FCRL2: variants seen among roughly 807,000 people sequenced by gnomAD.
The protein encoded by FCRL2 is Fc receptor like 2.
FCRL2 carries 48 observed loss-of-function variants against 59.8 expected under a neutral mutation model. The ratio of observed to expected loss-of-function variants is 0.80; its 90% CI spans 0.64 to 1.02. FCRL2 has a LOEUF of 1.02. Ranked by LOEUF, FCRL2 falls within the 50% of genes least tolerant of loss-of-function variation. The pLI is 0.00. For synonymous variants in FCRL2, 251 were observed against 229.5 expected, an observed-to-expected ratio of 1.09 and a Z score of -0.85; for missense variants, 658 against 597.3, an observed-to-expected ratio of 1.10 and a Z score of -1.06.
chr1:157,747,408 T>C (rs1222100674), intron 10 of FCRL2, among the ~76,000 whole-genome samples: 1 of 152,230 alleles, frequency 6.6e-6, no homozygotes, highest in East Asian at 1.9e-4. Context: ...GACATCCCTT[T>C]CCTTCCCTTG....
Position 157,770,506 on chromosome 1 carries a change from A to G in FCRL2, c.213T>C (p.Ser71=), listed in dbSNP as rs1649920003. 4 of 1,614,092 alleles carry G rather than the reference A, an allele frequency of 2.5e-6. No homozygotes were observed. In the African/African-American group the frequency reaches 5.3e-5, roughly 22 times the overall value. ...FKKFSDFLIQ[S]AVLSDSGNYF... ...AGTTACCACTGTCACTTAAAACTGC[A>G]CTTTGGATAAGGAAATCTGAGAATT... The change falls in exon 3 of 12, where the codon AGT becomes AGC. Residue 71 remains serine, a synonymous_variant. Transcript: ENST00000361516.
At chr1:157,764,029 C>CAAAAAA (rs34230382) in intron 7 of FCRL2, among the ~76,000 whole-genome samples, 9 of 103,210 alleles carry the variant, frequency 8.7e-5, no homozygotes, top group African/African-American at 3.3e-4. Flanking sequence ...GACTTCATCT[C>CAAAAAA]AAAAAAAAAA....
At position 157,767,321 on chromosome 1, in the gene FCRL2, AAGAG is replaced by A; in HGVS notation, c.1068_1071del (p.Ser357Ter). On this transcript the variant is annotated frameshift_variant, in exon 6 of 12. Coordinates refer to ENST00000361516, the MANE Select transcript of FCRL2 (RefSeq NM_030764.4). LOFTEE classifies it high-confidence loss of function. ...TAGTTTCCAGAATGTTCTGCAGTCAAAGAGAGGTTGAAGGAGGCCCCTCCTCCAG... is the reference window on the plus strand; with the variant it reads ...TAGTTTCCAGAATGTTCTGCAGTCAAAGGTTGAAGGAGGCCCCTCCTCCAG... 1 of 1,614,202 alleles carries A rather than the reference AAGAG, an allele frequency of 6.2e-7. No homozygotes were observed. Among genetic ancestry groups the A allele is most frequent in the Non-Finnish European group, 8.5e-7 (1 of 1,180,030 alleles).
intron 7 of FCRL2, chr1:157,766,551 A>G (rs965934479): frequency 1.4e-5 from 6 of 430,794 alleles, no homozygotes; most frequent in Non-Finnish European, 2.4e-5. Context: ...AGCTAATTAT[A>G]TCTATTGAAA....
intron 7 of FCRL2, among the ~76,000 whole-genome samples, chr1:157,763,979 G>A (rs370694580): frequency 1.7e-4 from 25 of 144,684 alleles, no homozygotes; most frequent in African/African-American, 5.6e-4. Context: ...GCAGTGAGCC[G>A]ATATCGTGCC....
chr1:157,776,578 A>G (rs1321385236), intron 1 of FCRL2, among the ~76,000 whole-genome samples: 5 of 152,070 alleles, frequency 3.3e-5, no homozygotes, highest in Non-Finnish European at 7.4e-5. Context: ...CAGGAATCTT[A>G]TTTTCTAGCA....
In FCRL2 at chr1:157,745,881, A is replaced by G. The variant is rs762509949; in HGVS notation, c.*855T>C. 3.9e-5 allele frequency: 6 copies of G among 152,226 alleles called. No homozygotes were observed. The highest frequency in any genetic ancestry group is 7.2e-5 in the African/African-American group (3 of 41,458). The allele number at this position is 152,226 out of a possible 1,614,324, so 9.4% of individuals were successfully genotyped here. The stretch of plus-strand genomic sequence containing the variant: ...GCAGGTTCAGTTCCAGACTACCAAA[A>G]TAAAACAAATGCTGCAATAAAGCAA... On this transcript the variant is annotated 3_prime_UTR_variant, in exon 12 of 12. Coordinates refer to ENST00000361516, the MANE Select transcript of FCRL2 (RefSeq NM_030764.4).
intron 7 of FCRL2, among the ~76,000 whole-genome samples, chr1:157,752,086 G>A (rs1463914583): frequency 6.6e-6 from 1 of 152,220 alleles, no homozygotes; most frequent in East Asian, 1.9e-4. Context: ...TTGAGATTCA[G>A]AAAGCTGCTT....
intron 7 of FCRL2, among the ~76,000 whole-genome samples, chr1:157,755,528 G>A (rs1174552665): frequency 2.0e-5 from 3 of 151,970 alleles, no homozygotes; most frequent in African/African-American, 4.8e-5. Flanking sequence ...AATTCCACAG[G>A]CATACTGTAC....
chr1:157,751,353 G>A (rs1423499759), intron 7 of FCRL2, among the ~76,000 whole-genome samples: 1 of 152,176 alleles, frequency 6.6e-6, no homozygotes, highest in Non-Finnish European at 1.5e-5. Flanking sequence ...TCTCAAGGAG[G>A]CAGAGAAAGA....
intron 2 of FCRL2, among the ~76,000 whole-genome samples, chr1:157,773,159 C>T (rs746734305): frequency 1.3e-5 from 2 of 152,206 alleles, no homozygotes; most frequent in African/African-American, 4.8e-5. Flanking sequence ...TCTACCAGAT[C>T]TCTCTCTTGT....
chr1:157,767,721 C>T (rs577701164), intron 5 of FCRL2: 116 of 1,534,888 alleles, frequency 7.6e-5, no homozygotes, highest in East Asian at 4.7e-4. Flanking sequence ...CCTGCAGACA[C>T]GGTCATCTGT....
Position 157,745,964 on chromosome 1 carries a change from T to G in FCRL2, c.*772A>C, listed in dbSNP as rs1241686599. The G allele has an allele frequency of 1.3e-5, 2 of 152,108 alleles. No homozygotes were observed. Among genetic ancestry groups the G allele is most frequent in the African/African-American group, 4.8e-5 (2 of 41,408 alleles). The allele number at this position is 152,108 out of a possible 1,614,324, so 9.4% of individuals were successfully genotyped here. On this transcript the variant is annotated 3_prime_UTR_variant, in exon 12 of 12. Coordinates refer to ENST00000361516, the MANE Select transcript of FCRL2 (RefSeq NM_030764.4). The stretch of plus-strand genomic sequence containing the variant: ...TAAGTTATGTTTACACTCAAGTCGA[T>G]GCACATAAAGAAGAAAATCTGGAGG...
At chr1:157,756,932 C>T (rs1648631383) in intron 7 of FCRL2, among the ~76,000 whole-genome samples, 1 of 152,140 alleles carries the variant, frequency 6.6e-6, no homozygotes, top group South Asian at 2.1e-4. Flanking sequence ...CAATTTTTAT[C>T]TGTCAATTAA....
rs755884106 is a variant in FCRL2, at chr1:157,775,793, C to A, written c.34G>T (p.Ala12Ser). 2.4e-5 allele frequency: 38 copies of A among 1,613,882 alleles called. No homozygotes were observed. Among genetic ancestry groups the A allele is most frequent in the Middle Eastern group, 3.3e-4 (2 of 6,082 alleles). ...GACTCACCTGCCTGTTCAGTGACTG[C>A]ATCTGTGAGGAGATCAAAAGCCAGA... The part of the protein sequence containing the change: ...LLWSLLVIFD[A>S]VTEQADSLTL... Residue 12 changes from alanine (A) to serine (S), a missense_variant and splice_region_variant, in exon 2 of 12, where the codon GCA becomes TCA. Physicochemically the swap from Ala to Ser is moderately conservative, Grantham distance 99. Transcript: ENST00000361516.
chr1:157,757,048 T>C (rs1286254090), intron 7 of FCRL2, among the ~76,000 whole-genome samples: 1 of 152,260 alleles, frequency 6.6e-6, no homozygotes, highest in Non-Finnish European at 1.5e-5. Flanking sequence ...TCTTCTTGTA[T>C]GCATTGTTTT....
In FCRL2 at chr1:157,746,787, C is replaced by T. The variant is rs372767519; in HGVS notation, c.1489-13G>A. 1.4e-4 allele frequency: 222 copies of T among 1,613,876 alleles called. No individual in the cohort carries two copies. In the African/African-American group the frequency reaches 2.6e-3, roughly 19 times the overall value. ...TGACTTGGGAGTCCTGGGAGAGACACACAGGAATAAAGACTGAGGTGATCA... is the reference window on the plus strand; with the variant it reads ...TGACTTGGGAGTCCTGGGAGAGACATACAGGAATAAAGACTGAGGTGATCA... On this transcript the variant is annotated splice_polypyrimidine_tract_variant and intron_variant, in intron 11 of 11. Coordinates refer to ENST00000361516, the MANE Select transcript of FCRL2 (RefSeq NM_030764.4).
At chr1:157,753,919 A>G (rs1648387556) in intron 7 of FCRL2, among the ~76,000 whole-genome samples, 1 of 152,202 alleles carries the variant, frequency 6.6e-6, no homozygotes. Context: ...TATATTAAAT[A>G]ATTTCTTCTT....
intron 10 of FCRL2, among the ~76,000 whole-genome samples, chr1:157,748,020 A>AT (rs973802687): frequency 1.2e-3 from 175 of 145,142 alleles, no homozygotes; most frequent in Middle Eastern, 0.011. Flanking sequence ...CCATCACCCT[A>AT]TTTTTTTTTT....
Sources: gnomAD v4.1 joint callset for allele counts (sites outside exome capture counted in the v4.1 genomes callset) on GRCh38, gnomAD v4.1.1 for gene constraint, MANE v1.5 for transcripts, NCBI Gene and HGNC (gene_info 2026-07-23, HGNC 2026-07-21) for gene names.